The following CNTN4 variants were observed in gnomAD, a reference collection of about 807,000 sequenced individuals.
CNTN4 encodes contactin 4.
Under a neutral mutation model 122.5 loss-of-function variants are expected in CNTN4, and 77 were observed. The ratio of observed to expected loss-of-function variants is 0.63; its 90% CI spans 0.52 to 0.76. The LOEUF is 0.76. CNTN4 is among the 30% of genes least tolerant of loss of function. CNTN4 has a pLI of 0.00. For synonymous variants in CNTN4, 512 were observed against 447.0 expected, an observed-to-expected ratio of 1.15 and a Z score of -1.83; for missense variants, 1,256 against 1,259.1, an observed-to-expected ratio of 1.00 and a Z score of 0.04.
intron 2 of CNTN4, among the ~76,000 whole-genome samples, chr3:2,270,937 C>T (rs566697101): frequency 1.3e-5 from 2 of 152,178 alleles, no homozygotes; most frequent in East Asian, 1.9e-4. Flanking sequence ...GGTACCTGTT[C>T]CCTCCTAAAG....
At chr3:2,595,426 A>G (rs1392947564) in intron 4 of CNTN4, among the ~76,000 whole-genome samples, 2 of 152,204 alleles carry the variant, frequency 1.3e-5, no homozygotes, top group African/African-American at 4.8e-5. Flanking sequence ...AAGATTTAAC[A>G]ATGAGAAGAG....
At chr3:2,480,721 C>A (rs1013517714) in intron 3 of CNTN4, among the ~76,000 whole-genome samples, 17 of 152,286 alleles carry the variant, frequency 1.1e-4, no homozygotes, top group African/African-American at 3.9e-4. Flanking sequence ...CAATCAAAAT[C>A]CCAGAAAGGT....
chr3:2,338,993 G>C (rs2044074329), intron 2 of CNTN4, among the ~76,000 whole-genome samples, 185 bp from the exon 3 acceptor site: 1 of 150,180 alleles, frequency 6.7e-6, no homozygotes, highest in South Asian at 2.1e-4. Context: ...ATGGATCCTG[G>C]ATCCTAATCT....
chr3:2,611,353 TTTC>T (rs1281671348), intron 4 of CNTN4, among the ~76,000 whole-genome samples: 1 of 135,392 alleles, frequency 7.4e-6, no homozygotes, highest in Non-Finnish European at 1.6e-5. Flanking sequence ...CTGTTAAAAA[TTTC>T]TTCATCACAG....
chr3:2,674,953 G>C (rs2084761841), intron 4 of CNTN4, among the ~76,000 whole-genome samples: 1 of 151,992 alleles, frequency 6.6e-6, no homozygotes, highest in South Asian at 2.1e-4. Context: ...AATTGCTTTA[G>C]TTTCCACATA....
At chr3:2,751,190 C>T (rs181526011) in intron 6 of CNTN4, among the ~76,000 whole-genome samples, 1 of 152,158 alleles carries the variant, frequency 6.6e-6, no homozygotes, top group African/African-American at 2.4e-5. Context: ...CACCTGTAGT[C>T]CCAGCTACTC....
In CNTN4 at chr3:2,656,681, T is replaced by G. The variant is rs190885827; in HGVS notation, c.56-79534T>G. Among the ~76,000 whole-genome samples the G allele has an allele frequency of 3.7e-3, 564 of 152,334 alleles. 3 individuals carry two copies. The highest frequency in any genetic ancestry group is 0.013 in the African/African-American group (545 of 41,580). On this transcript the variant is annotated intron_variant, in intron 4 of 24. Coordinates refer to ENST00000418658, the MANE Select transcript of CNTN4 (RefSeq NM_175607.3). ...TCTCAAAAGGGAGGTCTAAGCTAAT[T>G]AATTTTCTGAATGTGTATGCAGTAC...
chr3:2,461,354 T>C (rs1232098996), intron 3 of CNTN4, among the ~76,000 whole-genome samples: 1 of 152,186 alleles, frequency 6.6e-6, no homozygotes, highest in African/African-American at 2.4e-5. Context: ...AATTAATTAG[T>C]TAACATTAAT....
rs187874399 is a variant in CNTN4, at chr3:2,317,151, A to C, written c.-144-22027A>C. 1.6e-3 allele frequency among the ~76,000 whole-genome samples: 247 copies of C among 152,334 alleles called. 3 individuals are homozygous for C. The highest frequency in any genetic ancestry group is 5.6e-3 in the African/African-American group (233 of 41,576). The stretch of plus-strand genomic sequence containing the variant: ...TGGACTACATGGCAAATATTTCTGA[A>C]GCACACTGTAAATGTCTGTATAAAT... On this transcript the variant is annotated intron_variant, in intron 2 of 24. Transcript: ENST00000418658.
chr3:2,429,577 C>G (rs193248774), intron 3 of CNTN4, among the ~76,000 whole-genome samples: 2 of 152,166 alleles, frequency 1.3e-5, no homozygotes, highest in East Asian at 3.9e-4. Flanking sequence ...TCTCAAACTC[C>G]GTGCTGGGAG....
chr3:2,993,023 T>C (rs1695193251), intron 14 of CNTN4, among the ~76,000 whole-genome samples: 1 of 152,112 alleles, frequency 6.6e-6, no homozygotes, highest in South Asian at 2.1e-4. Flanking sequence ...TTTAGAACAT[T>C]GCATTTTCAG....
At chr3:2,142,623 G>T (rs1437565649) in intron 2 of CNTN4, among the ~76,000 whole-genome samples, 1 of 152,026 alleles carries the variant, frequency 6.6e-6, no homozygotes, top group Admixed American at 6.5e-5. Context: ...GATTAGAGGC[G>T]CAAGCCACTG....
intron 4 of CNTN4, among the ~76,000 whole-genome samples, chr3:2,668,963 C>G (rs1161974948): frequency 6.6e-6 from 1 of 152,118 alleles, no homozygotes; most frequent in Non-Finnish European, 1.5e-5. Context: ...GGTGGATAAG[C>G]TTTTTGATGT....
intron 3 of CNTN4, among the ~76,000 whole-genome samples, chr3:2,559,061 C>A (rs1188268046): frequency 6.6e-6 from 1 of 152,178 alleles, no homozygotes; most frequent in Non-Finnish European, 1.5e-5. Context: ...ATATTTATCA[C>A]TTGCTACCTA....
At chr3:2,683,135 C>G (rs1029909590) in intron 4 of CNTN4, among the ~76,000 whole-genome samples, 2 of 152,084 alleles carry the variant, frequency 1.3e-5, no homozygotes, top group Non-Finnish European at 2.9e-5. Context: ...GTCACAAACT[C>G]TTTACAACAA....
intron 6 of CNTN4, among the ~76,000 whole-genome samples, chr3:2,795,505 G>A (rs1292478469): frequency 6.7e-6 from 1 of 149,728 alleles, no homozygotes; most frequent in Non-Finnish European, 1.5e-5. Flanking sequence ...TTATATTAGA[G>A]TAACAAATGG....
At chr3:2,998,968 T>G (rs1695789447) in intron 14 of CNTN4, 1 of 152,212 alleles carries the variant, frequency 6.6e-6, no homozygotes, top group Non-Finnish European at 1.5e-5. Context: ...TGTAATTATA[T>G]TATTTGTAGA....
At chr3:2,876,124 T>C (rs955746468) in intron 8 of CNTN4, among the ~76,000 whole-genome samples, 3 of 152,226 alleles carry the variant, frequency 2.0e-5, no homozygotes, top group Non-Finnish European at 4.4e-5. Flanking sequence ...CTTAAAACCT[T>C]GACTGTAAGA....
intron 3 of CNTN4, among the ~76,000 whole-genome samples, chr3:2,523,549 G>A (rs78675748): frequency 0.011 from 1,737 of 152,052 alleles, 11 homozygotes; most frequent in Non-Finnish European, 0.016. Flanking sequence ...GATCTTTTCT[G>A]AAAGATTTAT....
Sources: gnomAD v4.1 joint callset for allele counts (sites outside exome capture counted in the v4.1 genomes callset) on GRCh38, gnomAD v4.1.1 for gene constraint, MANE v1.5 for transcripts, NCBI Gene and HGNC (gene_info 2026-07-23, HGNC 2026-07-21) for gene names.